The following MTAP variants were observed in gnomAD, a reference collection of about 807,000 sequenced individuals.
MTAP encodes the protein S-methyl-5'-thioadenosine phosphorylase.
MTAP carries 33 observed loss-of-function variants against 33.6 expected under a neutral mutation model. The ratio of observed to expected loss-of-function variants is 0.98; its 90% CI spans 0.74 to 1.31. The LOEUF (loss-of-function observed/expected upper bound fraction) is 1.31, where lower values mean the gene tolerates loss of function less well. Among genes scored for constraint, MTAP ranks in the 40% most tolerant of loss-of-function variants. The pLI, the probability that MTAP is intolerant of heterozygous loss-of-function variation, is 0.00. For synonymous variants in MTAP, 148 were observed against 125.7 expected (o/e 1.18, Z -1.19); for missense variants, 367 against 360.0 (o/e 1.02, Z -0.16).
intron 1 of MTAP, among the ~76,000 whole-genome samples, chr9:21,809,551 A>G (rs1370802511): frequency 6.6e-6 from 1 of 151,834 alleles, no homozygotes; most frequent in South Asian, 2.1e-4. Context: ...AGGCAGGAGA[A>G]TGGTGTGAAA....
intron 3 of MTAP, 37 bp from the exon 4 acceptor site, chr9:21,817,998 T>G: frequency 6.3e-7 from 1 of 1,582,642 alleles, no homozygotes; most frequent in South Asian, 1.2e-5. Context: ...GGTGGTGTAC[T>G]CATCACGGGT....
intron 5 of MTAP, among the ~76,000 whole-genome samples, chr9:21,841,106 G>A (rs1054656443): frequency 6.6e-6 from 1 of 152,154 alleles, no homozygotes; most frequent in African/African-American, 2.4e-5. Flanking sequence ...CCCTGCCCAA[G>A]AAGAGTCTGA....
At chr9:21,909,840 G>A (rs1032321309) in intron 1 of MTAP, among the ~76,000 whole-genome samples, 3 of 152,146 alleles carry the variant, frequency 2.0e-5, no homozygotes, top group Non-Finnish European at 2.9e-5. Context: ...CTTTATAGAT[G>A]AGAAAACTAA....
chr9:21,868,820 G>A (rs1235793615), downstream of MTAP, among the ~76,000 whole-genome samples: 1 of 152,134 alleles, frequency 6.6e-6, no homozygotes, highest in Non-Finnish European at 1.5e-5. Flanking sequence ...TCAAACGGGA[G>A]CACGCATCGT....
At chr9:21,926,538 T>C (rs1482074226) in intron 1 of MTAP, among the ~76,000 whole-genome samples, 2 of 152,152 alleles carry the variant, frequency 1.3e-5, no homozygotes, top group South Asian at 2.1e-4. Flanking sequence ...TCCTCCCAAT[T>C]TGTATTTGCA....
At chr9:21,935,205 A>G (rs1020535443), downstream of MTAP, 4 of 152,214 alleles carry the variant, frequency 2.6e-5, no homozygotes, top group African/African-American at 9.6e-5. Flanking sequence ...GAATACAACA[A>G]TTGAATTGTA....
intron 1 of MTAP, among the ~76,000 whole-genome samples, chr9:21,809,328 A>G (rs1487991746): frequency 6.6e-6 from 1 of 152,062 alleles, no homozygotes; most frequent in African/African-American, 2.4e-5. Context: ...TGCCACACTC[A>G]GCCCACGTTT....
chr9:21,826,456 G>C (rs1824804330), intron 4 of MTAP, among the ~76,000 whole-genome samples: 1 of 151,488 alleles, frequency 6.6e-6, no homozygotes, highest in Non-Finnish European at 1.5e-5. Flanking sequence ...CCCTGTGTTT[G>C]CTATAAACTG....
chr9:21,889,064 T>G (rs1818158109), intron 1 of MTAP, among the ~76,000 whole-genome samples: 1 of 152,106 alleles, frequency 6.6e-6, no homozygotes, highest in African/African-American at 2.4e-5. Context: ...GATTATTTCC[T>G]CAAATAAATT....
chr9:21,803,121 CCCATGCCACCACCATTCCTGAGAA>C, intron 1 of MTAP: 3 of 470,102 alleles, frequency 6.4e-6, no homozygotes, highest in Non-Finnish European at 1.1e-5. Flanking sequence ...AGAGGCTGCA[CCCATGCCACCACCATTCCTGAGAA>C]CCACTCTTCT....
At chr9:21,835,387 C>T (rs1038445373) in intron 4 of MTAP, among the ~76,000 whole-genome samples, 3 of 152,076 alleles carry the variant, frequency 2.0e-5, no homozygotes, top group African/African-American at 4.8e-5. Context: ...AAAATTCATT[C>T]GAATCCAGGG....
At chr9:21,824,087 G>T (rs1824721310) in intron 4 of MTAP, among the ~76,000 whole-genome samples, 1 of 152,174 alleles carries the variant, frequency 6.6e-6, no homozygotes, top group Non-Finnish European at 1.5e-5. Flanking sequence ...TTGATTGTCT[G>T]AAGCCTTCTC....
chr9:21,836,515 T>C (rs1369532653), intron 4 of MTAP, among the ~76,000 whole-genome samples: 3 of 152,088 alleles, frequency 2.0e-5, no homozygotes, highest in Admixed American at 1.3e-4. Flanking sequence ...GTTCATATCA[T>C]AGTTATAAGT....
chr9:21,848,703 A>G (rs1197946226), intron 5 of MTAP, among the ~76,000 whole-genome samples: 1 of 152,158 alleles, frequency 6.6e-6, no homozygotes, highest in Non-Finnish European at 1.5e-5. Context: ...CAAAACAGAT[A>G]TGTGAGGGCA....
At chr9:21,803,036 A>ACACACACACACACACACACC (rs1020757334) in intron 1 of MTAP, 51 of 1,039,866 alleles carry the variant, frequency 4.9e-5, no homozygotes, top group African/African-American at 2.4e-4. Context: ...ACACACACAC[A>ACACACACACACACACACACC]CCACCTTTTG....
intron 1 of MTAP, among the ~76,000 whole-genome samples, chr9:21,877,914 A>G (rs1003648725): frequency 1.3e-5 from 2 of 152,046 alleles, no homozygotes; most frequent in Non-Finnish European, 2.9e-5. Context: ...AGTTTTTGGA[A>G]TAGTTTTAGT....
intron 4 of MTAP, among the ~76,000 whole-genome samples, chr9:21,818,458 G>C (rs1189209028): frequency 1.3e-5 from 2 of 150,796 alleles, no homozygotes; most frequent in South Asian, 4.2e-4. Flanking sequence ...CTCCCGAGTA[G>C]CTGGGACTAC....
At chr9:21,847,429 C>G (rs1825410426) in intron 5 of MTAP, among the ~76,000 whole-genome samples, 1 of 152,082 alleles carries the variant, frequency 6.6e-6, no homozygotes, top group Non-Finnish European at 1.5e-5. Context: ...TGATTAGACC[C>G]AAAGATGCTA....
downstream of MTAP, among the ~76,000 whole-genome samples, chr9:21,869,602 C>G (rs1219532686): frequency 2.0e-5 from 3 of 152,186 alleles, no homozygotes; most frequent in African/African-American, 2.4e-5. Flanking sequence ...GCTTTCCCAT[C>G]CCAGTCTAGC....
Sources: allele counts gnomAD v4.1 joint callset (sites outside exome capture counted in the v4.1 genomes callset), GRCh38; gene constraint gnomAD v4.1.1; transcripts MANE v1.5; gene names NCBI Gene and HGNC (gene_info 2026-07-23, HGNC 2026-07-21).